The following TCTA variants were observed in gnomAD, a reference collection of about 807,000 sequenced individuals.
TCTA encodes T cell leukemia translocation altered.
Under a neutral mutation model 13.5 loss-of-function variants are expected in TCTA, and 13 were observed. The ratio of observed to expected loss-of-function variants is 0.96; its 90% CI spans 0.63 to 1.53. The LOEUF (loss-of-function observed/expected upper bound fraction) is 1.53, where lower values mean the gene tolerates loss of function less well. TCTA is among the 40% of genes most tolerant of loss of function. The pLI, the probability that TCTA is intolerant of heterozygous loss-of-function variation, is 0.00. For missense variants in TCTA, 138 were observed against 131.3 expected (o/e 1.05, Z -0.25); for synonymous variants, 58 against 59.0 (o/e 0.98, Z 0.08).
rs1264266847 is a variant in TCTA, at chr3:49,413,072, T to C, written c.231T>C (p.Asn77=). 6 of 1,614,206 alleles carry C rather than the reference T, an allele frequency of 3.7e-6. No homozygotes were observed. Among genetic ancestry groups the C allele is most frequent in the Non-Finnish European group, 5.1e-6 (6 of 1,180,042 alleles). The change falls in exon 2 of 3, where the codon AAT becomes AAC. Residue 77 remains asparagine (N), a synonymous_variant. Coordinates refer to ENST00000273590, the MANE Select transcript of TCTA (RefSeq NM_022171.3). The stretch of plus-strand genomic sequence containing the variant: ...TGCCTCCAGGTCTGGGTGGTCAGAA[T>C]GGATCCACGCCTGATGGCTCCACGC... ...LYHRPGLGGQ[N]GSTPDGSTHF...
Position 49,415,671 on chromosome 3 carries a change from G to A in TCTA, c.*809G>A, listed in dbSNP as rs947884944. On this transcript the variant is annotated 3_prime_UTR_variant, in exon 3 of 3. Coordinates refer to ENST00000273590, the MANE Select transcript of TCTA (RefSeq NM_022171.3). ...AATCCTGACCTGAGCCAGACCTTAA[G>A]CTCTATGGTTATTTAGCTGGCCATT... 6.6e-6 allele frequency: 1 copy of A among 152,246 alleles called. No individual in the cohort carries two copies. The highest frequency in any genetic ancestry group is 1.5e-5 in the Non-Finnish European group (1 of 68,102). The allele number at this position is 152,246 out of a possible 1,614,324, so 9.4% of individuals were successfully genotyped here. A position where few individuals can be genotyped will look rare whatever the true frequency, so the allele number is the denominator to read the frequency against.
intron 2 of TCTA, 71 bp from the exon 3 acceptor site, chr3:49,414,749 G>A: frequency 1.0e-5 from 16 of 1,596,262 alleles, no homozygotes; most frequent in Non-Finnish European, 1.4e-5. Flanking sequence ...AGGAGCTTGG[G>A]AGAGCCAATT....
chr3:49,416,394 A>C lies in TCTA; in HGVS notation c.*1532A>C. 4.2e-6 allele frequency: 1 copy of C among 237,146 alleles called. No homozygotes were observed. The highest frequency in any genetic ancestry group is 8.6e-6 in the Non-Finnish European group (1 of 116,798). 14.7% of individuals were successfully genotyped at this position (237,146 alleles called of 1,614,324 possible). A position where few individuals can be genotyped will look rare whatever the true frequency, so the allele number is the denominator to read the frequency against. On this transcript the variant is annotated 3_prime_UTR_variant, in exon 3 of 3. Transcript: ENST00000273590. ...GTTATTCACAGCCCCTGGCCCACCC[A>C]CTAATACTACTGCACAGAGTCAGGA...
Position 49,414,875 on chromosome 3 carries a change from G to A in TCTA, c.*13G>A, listed in dbSNP as rs771277596. The A allele has an allele frequency of 3.7e-6, 6 of 1,613,880 alleles. No homozygotes were observed. In the South Asian group the frequency reaches 4.4e-5, roughly 12 times the overall value. ...CCACAGAGAATAAGGGAAGGCAGCA[G>A]AGGGTCTCCAAGGGCATCACTGGGT... On this transcript the variant is annotated 3_prime_UTR_variant, in exon 3 of 3. Transcript: ENST00000273590.
chr3:49,414,113 C>T (rs575396044), intron 2 of TCTA, among the ~76,000 whole-genome samples: 4 of 151,892 alleles, frequency 2.6e-5, no homozygotes, highest in East Asian at 1.9e-4. Flanking sequence ...TGGTGGCATA[C>T]GCCTGTAATC....
At chr3:49,413,201 A>G in intron 2 of TCTA, 91 bp downstream of exon 2, 3 of 1,451,996 alleles carry the variant, frequency 2.1e-6, no homozygotes, top group African/African-American at 2.8e-5. Context: ...TCAGGCTTTA[A>G]GCCCACCAGC....
chr3:49,412,524 A>G lies in TCTA; in HGVS notation c.98A>G (p.Asp33Gly), dbSNP rs564052717. 1 of 1,614,230 alleles carries G rather than the reference A, an allele frequency of 6.2e-7. No homozygotes were observed. The highest frequency in any genetic ancestry group is 2.2e-5 in the East Asian group (1 of 44,884). Residue 33 changes from aspartate to glycine, a missense_variant, in exon 1 of 3, where the codon GAC becomes GGC. Physicochemically the swap from Asp to Gly is moderately conservative, Grantham distance 94. Coordinates refer to ENST00000273590, the MANE Select transcript of TCTA (RefSeq NM_022171.3). ...SEFLREWEAQ[D>G]MRVTLFKLLL... ...TTCTTGCGGGAGTGGGAGGCGCAGG[A>G]CATGCGCGTGACCCTCTTCAAGCTG...
rs558989094 is a variant in TCTA, at chr3:49,412,958, A to G, written c.215-98A>G. ...TCCCTTAGGACCCTCACCAGACTTC[A>G]CCAAACAATACCAGTGGTCTCTAAC... is the stretch of plus-strand genomic sequence containing the variant. On this transcript the variant is annotated intron_variant, in intron 1 of 2. Transcript: ENST00000273590. The G allele has an allele frequency of 3.5e-5, 45 of 1,291,758 alleles. No homozygotes were observed. In the Admixed American group the frequency reaches 8.7e-4, roughly 25 times the overall value. 80.0% of individuals were successfully genotyped at this position (1,291,758 alleles called of 1,614,324 possible). A position where few individuals can be genotyped will look rare whatever the true frequency, so the allele number is the denominator to read the frequency against.
Position 49,414,993 on chromosome 3 carries a change from A to G in TCTA, c.*131A>G. The stretch of plus-strand genomic sequence containing the variant: ...TGGTAGCAGGGAGTACCCAGTGCCT[A>G]CAGGGCTGGGCCTCTTCTGCCTCTT... On this transcript the variant is annotated 3_prime_UTR_variant, in exon 3 of 3. Transcript: ENST00000273590. 1.8e-6 allele frequency: 2 copies of G among 1,131,906 alleles called. No homozygotes were observed. Among genetic ancestry groups the G allele is most frequent in the South Asian group, 1.4e-5 (1 of 73,680 alleles). 70.1% of individuals were successfully genotyped at this position (1,131,906 alleles called of 1,614,324 possible).
Position 49,412,583 on chromosome 3 carries a change from A to G in TCTA, c.157A>G (p.Ile53Val). The G allele has an allele frequency of 6.2e-7, 1 of 1,614,236 alleles. No individual in the cohort carries two copies. Residue 53 changes from isoleucine to valine, a missense_variant, in exon 1 of 3, where the codon ATC (isoleucine) becomes GTC (valine). Physicochemically the swap from Ile to Val is conservative, Grantham distance 29. Coordinates refer to ENST00000273590, the MANE Select transcript of TCTA (RefSeq NM_022171.3). ...LLWLVLSLLG[I>V]QLAWGFYGNT... Reference sequence around the variant, plus strand: ...GTGGTTGGTGTTAAGTCTCCTGGGCATCCAGCTGGCGTGGGGGTTCTACGG... The same window carrying G: ...GTGGTTGGTGTTAAGTCTCCTGGGCGTCCAGCTGGCGTGGGGGTTCTACGG...
chr3:49,412,774 A>T, intron 1 of TCTA, 134 bp downstream of exon 1: 1 of 1,112,058 alleles, frequency 9.0e-7, no homozygotes, highest in Non-Finnish European at 1.3e-6. Context: ...TACTACCCTG[A>T]ACGCATCTGA....
intron 2 of TCTA, chr3:49,413,373 G>A: frequency 3.7e-6 from 2 of 541,402 alleles, no homozygotes; most frequent in South Asian, 4.4e-5. Flanking sequence ...CAGGTTTGTT[G>A]GATTCCACTC....
At chr3:49,414,219 C>T (rs1015834669) in intron 2 of TCTA, among the ~76,000 whole-genome samples, 1 of 151,962 alleles carries the variant, frequency 6.6e-6, no homozygotes. Context: ...CCAGACTGGG[C>T]ATCAGAGTGA....
chr3:49,412,508 G>A lies in TCTA; in HGVS notation c.82G>A (p.Glu28Lys). 1.2e-6 allele frequency: 2 copies of A among 1,614,214 alleles called. No homozygotes were observed. Among genetic ancestry groups the A allele is most frequent in the Non-Finnish European group, 1.7e-6 (2 of 1,180,044 alleles). The change falls in exon 1 of 3, where the codon GAG becomes AAG. Residue 28 changes from glutamate to lysine, a missense_variant. Physicochemically the swap from Glu to Lys is moderately conservative, Grantham distance 56. Transcript: ENST00000273590. ...CGCGCTGGGCAGCGAGTTCTTGCGG[G>A]AGTGGGAGGCGCAGGACATGCGCGT... The part of the protein sequence containing the change: ...LGALGSEFLR[E>K]WEAQDMRVTL...
In TCTA at chr3:49,416,224, T is replaced by C. The variant is rs756781253; in HGVS notation, c.*1362T>C. 100 of 161,220 alleles carry C rather than the reference T, an allele frequency of 6.2e-4. 1 individual carries two copies. The highest frequency in any genetic ancestry group is 3.4e-3 in the Middle Eastern group (1 of 298). The allele number at this position is 161,220 out of a possible 1,614,324, so 10.0% of individuals were successfully genotyped here. A position where few individuals can be genotyped will look rare whatever the true frequency, so the allele number is the denominator to read the frequency against. On this transcript the variant is annotated 3_prime_UTR_variant, in exon 3 of 3. Transcript: ENST00000273590. ...CCTCCTTCCCTCGGGGCCATACTTC[T>C]GTTTCCATCTGCTGGGCCACCAGCC...
chr3:49,412,544 A>G lies in TCTA; in HGVS notation c.118A>G (p.Lys40Glu), dbSNP rs1397760201. The change falls in exon 1 of 3, where the codon AAG (lysine) becomes GAG (glutamate). Residue 40 changes from lysine (K) to glutamate (E), a missense_variant. Physicochemically the swap from Lys to Glu is moderately conservative, Grantham distance 56 (BLOSUM62 1). Coordinates refer to ENST00000273590, the MANE Select transcript of TCTA (RefSeq NM_022171.3). ...EAQDMRVTLF[K>E]LLLLWLVLSL... ...GCAGGACATGCGCGTGACCCTCTTC[A>G]AGCTGCTGCTGCTGTGGTTGGTGTT... is the stretch of plus-strand genomic sequence containing the variant. 3 of 1,614,120 alleles carry G rather than the reference A, an allele frequency of 1.9e-6. No homozygotes were observed. Among genetic ancestry groups the G allele is most frequent in the South Asian group, 2.2e-5 (2 of 91,092 alleles).
At chr3:49,413,399 G>T in intron 2 of TCTA, 1 of 443,046 alleles carries the variant, frequency 2.3e-6, no homozygotes, top group Non-Finnish European at 4.1e-6. Context: ...AATCCCCTCA[G>T]TTGGGAAGGC....
At chr3:49,414,770 T>C (rs774557695) in intron 2 of TCTA, 50 bp from the exon 3 acceptor site, 6 of 1,611,686 alleles carry the variant, frequency 3.7e-6, no homozygotes, top group Non-Finnish European at 5.1e-6. Flanking sequence ...TCAGCAACTG[T>C]TCTGCCCATG....
In TCTA at chr3:49,415,165, T is replaced by G. The variant is rs1290664553; in HGVS notation, c.*303T>G. ...GGGTTGGGAAGACCATCAGTTCTTTTGTCTTAGGTTTCTTTTCCTGTCCCT... is the reference window on the plus strand; with the variant it reads ...GGGTTGGGAAGACCATCAGTTCTTTGGTCTTAGGTTTCTTTTCCTGTCCCT... On this transcript the variant is annotated 3_prime_UTR_variant, in exon 3 of 3. Coordinates refer to ENST00000273590, the MANE Select transcript of TCTA (RefSeq NM_022171.3). The G allele has an allele frequency of 6.8e-6, 2 of 292,946 alleles. No individual in the cohort carries two copies. 18.1% of individuals were successfully genotyped at this position (292,946 alleles called of 1,614,324 possible).
Sources: allele counts gnomAD v4.1 joint callset (sites outside exome capture counted in the v4.1 genomes callset), GRCh38; gene constraint gnomAD v4.1.1; transcripts MANE v1.5; gene names NCBI Gene and HGNC (gene_info 2026-07-23, HGNC 2026-07-21).